Variants in PPP6R3 observed in about 807,000 individuals in gnomAD.
PPP6R3 encodes the protein protein phosphatase 6 regulatory subunit 3.
In PPP6R3, 38 loss-of-function variants were observed where a neutral mutation model predicts 110.7. That is an observed-to-expected ratio of 0.34 (90% CI 0.26 to 0.45). PPP6R3 has a LOEUF of 0.45. Among genes scored for constraint, PPP6R3 ranks in the 20% least tolerant of loss-of-function variants. The pLI is 1.00. For synonymous variants in PPP6R3, 369 were observed against 373.5 expected (o/e 0.99, Z 0.14); for missense variants, 870 against 1,062.4 (o/e 0.82, Z 2.52).
intron 22 of PPP6R3, chr11:68,609,352 GGT>G: frequency 1.1e-5 from 7 of 653,442 alleles, no homozygotes; most frequent in Non-Finnish European, 1.9e-5. Context: ...CAGTCAACAC[GGT>G]GACCTCATGT....
chr11:68,609,454 G>A lies in PPP6R3; in HGVS notation c.2451-450G>A, dbSNP rs1158828242. 9 of 858,640 alleles carry A rather than the reference G, an allele frequency of 1.0e-5. No homozygotes were observed. In the South Asian group the frequency reaches 1.1e-4, roughly 11 times the overall value. The allele number at this position is 858,640 out of a possible 1,614,324, so 53.2% of individuals were successfully genotyped here. Reference sequence around the variant, plus strand: ...CCAAAAGCAAAGTGCTTTAACTAAAGACTCATTCCTTCAAACAGGTTCTTT... The same window carrying A: ...CCAAAAGCAAAGTGCTTTAACTAAAAACTCATTCCTTCAAACAGGTTCTTT... On this transcript the variant is annotated intron_variant, in intron 22 of 23. Coordinates refer to ENST00000393800, the MANE Select transcript of PPP6R3 (RefSeq NM_001164161.2).
intron 1 of PPP6R3, among the ~76,000 whole-genome samples, chr11:68,487,648 A>T (rs2098956692): frequency 6.6e-6 from 1 of 151,622 alleles, no homozygotes; most frequent in East Asian, 1.9e-4. Flanking sequence ...TTTGACTCCC[A>T]TGTTATTTAG....
intron 22 of PPP6R3, among the ~76,000 whole-genome samples, chr11:68,608,829 A>G (rs551660508): frequency 1.3e-5 from 2 of 152,302 alleles, no homozygotes; most frequent in East Asian, 3.9e-4. Flanking sequence ...TTAAAGAATT[A>G]GAATTAGAAA....
chr11:68,548,387 A>G (rs2099357551), intron 5 of PPP6R3, among the ~76,000 whole-genome samples, 183 bp downstream of exon 5: 1 of 152,156 alleles, frequency 6.6e-6, no homozygotes, highest in East Asian at 1.9e-4. Context: ...CAGATTTTGC[A>G]GAACTAGAAT....
intron 22 of PPP6R3, 116 bp downstream of exon 22, chr11:68,603,608 G>A: frequency 1.6e-6 from 2 of 1,290,010 alleles, no homozygotes; most frequent in Non-Finnish European, 2.2e-6. Context: ...ATACTAGCTT[G>A]ATGTCTTTCT....
chr11:68,542,994 C>T (rs1442645318), intron 3 of PPP6R3, among the ~76,000 whole-genome samples: 1 of 152,126 alleles, frequency 6.6e-6, no homozygotes, highest in Non-Finnish European at 1.5e-5. Flanking sequence ...AGTGCATCTC[C>T]CCAACCCACT....
intron 1 of PPP6R3, among the ~76,000 whole-genome samples, chr11:68,513,961 G>A (rs2099123270): frequency 6.6e-6 from 1 of 152,172 alleles, no homozygotes; most frequent in South Asian, 2.1e-4. Context: ...TTGATCCATC[G>A]TGGTTTTTGG....
At chr11:68,508,989 G>A (rs191213272) in intron 1 of PPP6R3, among the ~76,000 whole-genome samples, 107 of 152,318 alleles carry the variant, frequency 7.0e-4, no homozygotes, top group African/African-American at 2.5e-3. Context: ...TAAGAGAATA[G>A]TCTAATGCTG....
chr11:68,542,389 G>T (rs1284476532), intron 3 of PPP6R3, among the ~76,000 whole-genome samples: 25 of 40,206 alleles, frequency 6.2e-4, no homozygotes, highest in East Asian at 1.0e-3. Flanking sequence ...AGAAGCTGCT[G>T]TTTTTTTTTT....
At chr11:68,489,272 G>A (rs2098968234) in intron 1 of PPP6R3, among the ~76,000 whole-genome samples, 1 of 151,974 alleles carries the variant, frequency 6.6e-6, no homozygotes, top group Admixed American at 6.6e-5. Context: ...GCCCGCCTCG[G>A]CCTCCCAAAT....
intron 12 of PPP6R3, among the ~76,000 whole-genome samples, chr11:68,573,590 G>T (rs891112656): frequency 9.2e-5 from 14 of 152,114 alleles, no homozygotes; most frequent in African/African-American, 3.1e-4. Flanking sequence ...TCTTGGCCAA[G>T]TCTCACATCA....
chr11:68,469,829 T>C (rs1367625340), intron 1 of PPP6R3, among the ~76,000 whole-genome samples: 1 of 152,240 alleles, frequency 6.6e-6, no homozygotes, highest in Non-Finnish European at 1.5e-5. Flanking sequence ...TTTGGCTCCC[T>C]GTGTCCTCGT....
intron 2 of PPP6R3, among the ~76,000 whole-genome samples, chr11:68,536,831 T>A (rs1280451653): frequency 5.3e-5 from 8 of 152,204 alleles, no homozygotes; most frequent in African/African-American, 1.7e-4. Flanking sequence ...GAAAGGTCTT[T>A]GAATGGTCTC....
rs138068504 is a variant in PPP6R3 at position 68,510,552 on chromosome 11, T to C, written c.-157-8949T>C. On this transcript the variant is annotated intron_variant, in intron 1 of 23. Transcript: ENST00000393800. ...GGTCTTGCCATGTTACCCAGGCTGG[T>C]CTCGAACTCCTGGGCTCAGGTGATC... 7.9e-3 allele frequency among the ~76,000 whole-genome samples: 1,198 copies of C among 152,174 alleles called. 19 individuals carry two copies. The highest frequency in any genetic ancestry group is 0.027 in the African/African-American group (1,133 of 41,522).
intron 1 of PPP6R3, among the ~76,000 whole-genome samples, chr11:68,509,763 T>TC (rs1000557477): frequency 6.8e-6 from 1 of 146,662 alleles, no homozygotes; most frequent in Non-Finnish European, 1.5e-5. Flanking sequence ...TTTTTTTTTT[T>TC]TTTGAGACGG....
chr11:68,568,559 C>T (rs1050522397), intron 10 of PPP6R3, among the ~76,000 whole-genome samples: 1 of 152,056 alleles, frequency 6.6e-6, no homozygotes, highest in African/African-American at 2.4e-5. Flanking sequence ...TTTGAAAACC[C>T]TTGTACTTCC....
At chr11:68,476,560 A>G (rs2098834333) in intron 1 of PPP6R3, among the ~76,000 whole-genome samples, 1 of 152,222 alleles carries the variant, frequency 6.6e-6, no homozygotes, top group Admixed American at 6.5e-5. Context: ...GTACATACAT[A>G]TCTAAATAAA....
At chr11:68,558,520 G>C (rs377720092) in intron 7 of PPP6R3, 46 bp from the exon 8 acceptor site, 2 of 1,257,966 alleles carry the variant, frequency 1.6e-6, no homozygotes, top group Admixed American at 3.7e-5. Context: ...GAGGTTGTTG[G>C]TGATAAGTGA....
intron 12 of PPP6R3, among the ~76,000 whole-genome samples, chr11:68,573,366 G>C (rs1021801509): frequency 2.0e-5 from 3 of 151,604 alleles, no homozygotes; most frequent in Admixed American, 2.0e-4. Flanking sequence ...GCCCAGGATG[G>C]TCTCAAACTC....
Sources: gnomAD v4.1 joint callset for allele counts (sites outside exome capture counted in the v4.1 genomes callset) on GRCh38, gnomAD v4.1.1 for gene constraint, MANE v1.5 for transcripts, NCBI Gene and HGNC (gene_info 2026-07-23, HGNC 2026-07-21) for gene names.